Variants in STON1 observed in about 807,000 individuals in gnomAD.
STON1 encodes the protein stonin-1.
In STON1, 79 loss-of-function variants were observed where a neutral mutation model predicts 60.9. The ratio of observed to expected loss-of-function variants is 1.30; its 90% CI spans 1.08 to 1.56. The LOEUF (loss-of-function observed/expected upper bound fraction) is 1.56, where lower values mean the gene tolerates loss of function less well. Among genes scored for constraint, STON1 ranks in the 40% most tolerant of loss-of-function variants. The pLI is 0.00. For missense variants in STON1, 1,166 were observed against 858.9 expected (o/e 1.36, Z -4.47); for synonymous variants, 363 against 306.9 (o/e 1.18, Z -1.91).
At chr2:48,577,735 C>G (rs1434359497) in intron 1 of STON1, among the ~76,000 whole-genome samples, 1 of 150,772 alleles carries the variant, frequency 6.6e-6, no homozygotes, top group Non-Finnish European at 1.5e-5. Context: ...CCTGCCTCAG[C>G]CTCCTGAGTA....
At chr2:48,553,846 G>A (rs1672201259) in intron 1 of STON1, among the ~76,000 whole-genome samples, 1 of 152,156 alleles carries the variant, frequency 6.6e-6, no homozygotes, top group African/African-American at 2.4e-5. Flanking sequence ...AAGGGACCTT[G>A]GAAACTGCTT....
At chr2:48,565,271 C>T (rs541004022) in intron 1 of STON1, among the ~76,000 whole-genome samples, 1 of 151,704 alleles carries the variant, frequency 6.6e-6, no homozygotes, top group Non-Finnish European at 1.5e-5. Context: ...CCAGGATGGT[C>T]TCGATCTCCT....
chr2:48,587,227 C>T (rs1674259344), intron 2 of STON1, among the ~76,000 whole-genome samples: 1 of 152,218 alleles, frequency 6.6e-6, no homozygotes, highest in African/African-American at 2.4e-5. Context: ...GAGATCATTC[C>T]TCCCTGCTCT....
chr2:48,537,888 A>G (rs1480154605), intron 1 of STON1, among the ~76,000 whole-genome samples: 1 of 151,662 alleles, frequency 6.6e-6, no homozygotes, highest in African/African-American at 2.4e-5. Flanking sequence ...AAAAAAGGAA[A>G]TTGTTCTTAT....
intron 1 of STON1, among the ~76,000 whole-genome samples, chr2:48,564,578 TCTCCTCCTCCTCCTCCTC>T (rs773952778): frequency 3.2e-5 from 1 of 31,710 alleles, no homozygotes; most frequent in African/African-American, 1.7e-4. Context: ...TCCTTCTCCT[TCTCCTCCTCCTCCTCCTC>T]CTCCTCCTTC....
At position 48,560,116 on chromosome 2, in the gene STON1, T is replaced by C. The variant is rs553950421; in HGVS notation, c.-47-20471T>C. The stretch of plus-strand genomic sequence containing the variant: ...TGACCAATTTTCATAGCAAACTGAT[T>C]GGTTTCACTTATCCCCCCACTGAAC... On this transcript the variant is annotated intron_variant, in intron 1 of 3. Transcript: ENST00000404752. Among the ~76,000 whole-genome samples, 7 of 152,320 alleles carry C rather than the reference T, an allele frequency of 4.6e-5. No homozygotes were observed. In the South Asian group the frequency reaches 1.2e-3, roughly 27 times the overall value.
At chr2:48,593,890 A>G (rs1674661116) in intron 3 of STON1, among the ~76,000 whole-genome samples, 1 of 152,164 alleles carries the variant, frequency 6.6e-6, no homozygotes, top group Non-Finnish European at 1.5e-5. Flanking sequence ...GCCCCTTCAG[A>G]CCTGAAGGAT....
intron 1 of STON1, among the ~76,000 whole-genome samples, chr2:48,557,903 C>T (rs1452212115): frequency 3.9e-5 from 6 of 152,154 alleles, no homozygotes; most frequent in Non-Finnish European, 5.9e-5. Context: ...TTTATAACTG[C>T]TTTGTATATA....
intron 1 of STON1, among the ~76,000 whole-genome samples, chr2:48,574,846 GT>G (rs1673390317): frequency 6.6e-6 from 1 of 152,206 alleles, no homozygotes; most frequent in African/African-American, 2.4e-5. Flanking sequence ...ATGTATTTCA[GT>G]TTTATTCAAT....
chr2:48,580,351 A>G (rs1673802394), intron 1 of STON1, among the ~76,000 whole-genome samples: 1 of 152,158 alleles, frequency 6.6e-6, no homozygotes. Flanking sequence ...TCTCTCTTGG[A>G]TAACATTTGC....
intron 1 of STON1, among the ~76,000 whole-genome samples, chr2:48,551,242 T>G (rs777485117): frequency 6.6e-6 from 1 of 152,176 alleles, no homozygotes; most frequent in African/African-American, 2.4e-5. Context: ...GGTTGGACTA[T>G]AGATGGGTGT....
At chr2:48,586,985 T>C (rs766481708) in intron 2 of STON1, among the ~76,000 whole-genome samples, 5 of 152,108 alleles carry the variant, frequency 3.3e-5, no homozygotes, top group Non-Finnish European at 2.9e-5. Context: ...GGTGGATAGG[T>C]GGGCAATGGT....
intron 1 of STON1, among the ~76,000 whole-genome samples, chr2:48,557,432 A>G (rs1306540832): frequency 3.0e-4 from 26 of 87,462 alleles, no homozygotes; most frequent in African/African-American, 9.4e-4. Context: ...CCGGGCAGAG[A>G]CGCTCCTCAC....
intron 1 of STON1, among the ~76,000 whole-genome samples, chr2:48,554,265 G>A (rs1363107233): frequency 8.6e-5 from 13 of 151,922 alleles, no homozygotes; most frequent in African/African-American, 2.7e-4. Context: ...TTTGTCGCCC[G>A]AGCTGGAGGG....
At chr2:48,538,763 AT>A (rs34052598) in intron 1 of STON1, among the ~76,000 whole-genome samples, 31,893 of 86,330 alleles carry the variant, frequency 0.37, 3,790 homozygotes, top group South Asian at 0.49. Flanking sequence ...ACACCCAGCT[AT>A]TTTTTTTTTT....
intron 1 of STON1, among the ~76,000 whole-genome samples, chr2:48,552,852 C>G (rs1252457029): frequency 6.6e-6 from 1 of 152,182 alleles, no homozygotes; most frequent in South Asian, 2.1e-4. Flanking sequence ...TGTTTTATCA[C>G]AGAAAACATG....
chr2:48,571,637 A>G (rs887960519), intron 1 of STON1, among the ~76,000 whole-genome samples: 1 of 152,194 alleles, frequency 6.6e-6, no homozygotes, highest in Admixed American at 6.5e-5. Flanking sequence ...TAGCCTTCTT[A>G]TCTCTCGGAG....
In STON1 at chr2:48,587,576, C is replaced by A. The variant is rs564430663; in HGVS notation, c.1931-4077C>A. Among the ~76,000 whole-genome samples, 273 of 152,316 alleles carry A rather than the reference C, an allele frequency of 1.8e-3. 1 individual carries two copies. The highest frequency in any genetic ancestry group is 6.8e-3 in the Middle Eastern group (2 of 294). ...AAAGTGCTGGGATTATAGGCATGAGCCACTGCGTCCGGCCTCCCATGAGTA... is the reference window on the plus strand; with the variant it reads ...AAAGTGCTGGGATTATAGGCATGAGACACTGCGTCCGGCCTCCCATGAGTA... On this transcript the variant is annotated intron_variant, in intron 2 of 3. Coordinates refer to ENST00000404752, the MANE Select transcript of STON1 (RefSeq NM_006873.4).
rs574451479 is a variant in STON1, at chr2:48,582,471, C to G, written c.1838C>G (p.Pro613Arg). The G allele has an allele frequency of 2.5e-6, 4 of 1,614,218 alleles. No homozygotes were observed. The highest frequency in any genetic ancestry group is 1.1e-5 in the South Asian group (1 of 91,078). Residue 613 changes from proline to arginine, a missense_variant, in exon 2 of 4, where the codon CCT becomes CGT. Pro to Arg is a moderately radical substitution (Grantham distance 103). Coordinates refer to ENST00000404752, the MANE Select transcript of STON1 (RefSeq NM_006873.4). ...LGSLQELESE[P>R]VIQVTVGSAK... is the part of the protein sequence containing the mutation. ...AGTTTACAGGAACTTGAATCTGAAC[C>G]TGTCATTCAAGTCACTGTGGGGTCA...
Sources: gnomAD v4.1 joint callset for allele counts (sites outside exome capture counted in the v4.1 genomes callset) on GRCh38, gnomAD v4.1.1 for gene constraint, MANE v1.5 for transcripts, NCBI Gene and HGNC (gene_info 2026-07-23, HGNC 2026-07-21) for gene names.